The following GRIP1 variants were observed in gnomAD, a reference collection of about 807,000 sequenced individuals.
The protein encoded by GRIP1 is glutamate receptor interacting protein 1, also known as glutamate receptor-interacting protein 1.
A neutral mutation model predicts 129.9 loss-of-function variants in GRIP1; 45 were observed. The ratio of observed to expected loss-of-function variants is 0.35; its 90% CI spans 0.27 to 0.44. GRIP1 has a LOEUF of 0.44. Ranked by LOEUF, GRIP1 falls within the 20% of genes least tolerant of loss-of-function variation. The pLI is 1.00. For missense variants in GRIP1, 1,196 were observed against 1,396.8 expected, an observed-to-expected ratio of 0.86 and a Z score of 2.29; for synonymous variants, 530 against 520.8, an observed-to-expected ratio of 1.02 and a Z score of -0.24.
intron 4 of GRIP1, among the ~76,000 whole-genome samples, chr12:66,535,354 T>C (rs2061575882): frequency 6.7e-6 from 1 of 150,352 alleles, no homozygotes; most frequent in South Asian, 2.1e-4. Context: ...ACTGACTCAT[T>C]TAAAGTTAAA....
intron 22 of GRIP1, among the ~76,000 whole-genome samples, chr12:66,372,553 C>G (rs2055568784): frequency 6.6e-6 from 1 of 152,186 alleles, no homozygotes. Context: ...CTTAGAAATA[C>G]TCTTTGTATA....
rs186879461 is a variant in GRIP1, at chr12:66,639,236, G to A, written c.55+39614C>T. On this transcript the variant is annotated intron_variant, in intron 1 of 24. Coordinates refer to ENST00000359742, the MANE Select transcript of GRIP1 (RefSeq NM_001366722.1). Reference sequence around the variant, plus strand: ...AATCACAGAGTATGCTACTACTAGCGAACTGAAGTGCCATGTAGGGTGGGA... The same window carrying A: ...AATCACAGAGTATGCTACTACTAGCAAACTGAAGTGCCATGTAGGGTGGGA... 1.7e-3 allele frequency among the ~76,000 whole-genome samples: 257 copies of A among 152,192 alleles called. 1 individual carries two copies. Among genetic ancestry groups the A allele is most frequent in the Non-Finnish European group, 2.7e-3 (186 of 68,012 alleles).
intron 1 of GRIP1, among the ~76,000 whole-genome samples, chr12:66,816,431 C>T (rs746842628): frequency 2.0e-5 from 3 of 152,144 alleles, no homozygotes; most frequent in Non-Finnish European, 2.9e-5. Context: ...ATTGATTGTA[C>T]TAAAGGCTCT....
chr12:66,573,642 G>A (rs1366703549), intron 2 of GRIP1, among the ~76,000 whole-genome samples: 4 of 152,174 alleles, frequency 2.6e-5, no homozygotes, highest in Non-Finnish European at 5.9e-5. Context: ...CCAGATAGGT[G>A]TGCTGCCTTC....
chr12:66,992,024 C>T (rs779644785), intron 1 of GRIP1, among the ~76,000 whole-genome samples: 2 of 152,176 alleles, frequency 1.3e-5, no homozygotes, highest in African/African-American at 4.8e-5. Flanking sequence ...GATACTCTTA[C>T]AATCTTCACA....
rs1487956715 is a variant in GRIP1, at chr12:66,547,328, AT to A, written c.137-5379del. ...GATCACTCTGACGCTACTGATGGGA[AT>A]GTAAAATAGGACAACTACTCTGGAA... is the stretch of plus-strand genomic sequence containing the variant. On this transcript the variant is annotated intron_variant, in intron 2 of 24. Transcript: ENST00000359742. Among the ~76,000 whole-genome samples, 5 of 152,306 alleles carry A rather than the reference AT, an allele frequency of 3.3e-5. No homozygotes were observed. In the East Asian group the frequency reaches 9.6e-4, roughly 29 times the overall value.
rs1460053893 is a variant in GRIP1, at chr12:67,025,607, A to G, written c.58+43443T>C. ...CTTTCATATGTTCATTACCTTTAGT[A>G]TCTCCTCATGGACTTGAATTTCTAA... is the stretch of plus-strand genomic sequence containing the variant. On this transcript the variant is annotated intron_variant, in intron 1 of 1. Coordinates refer to the GRIP1 transcript ENST00000643019. 6.6e-5 allele frequency among the ~76,000 whole-genome samples: 10 copies of G among 152,268 alleles called. No individual in the cohort carries two copies. The East Asian group carries it at 1.9e-3, about 29-fold the overall frequency.
chr12:66,886,010 C>G (rs1442801700), intron 1 of GRIP1, among the ~76,000 whole-genome samples: 2 of 152,178 alleles, frequency 1.3e-5, no homozygotes, highest in Non-Finnish European at 2.9e-5. Flanking sequence ...CGCCTGTAAT[C>G]CCAGCACTTT....
At chr12:66,798,052 A>G (rs2038751324) in intron 1 of GRIP1, among the ~76,000 whole-genome samples, 1 of 152,214 alleles carries the variant, frequency 6.6e-6, no homozygotes, top group Admixed American at 6.5e-5. Context: ...TTGCTCTTCC[A>G]AGGGGAATGA....
Position 66,498,220 on chromosome 12 carries a change from C to T in GRIP1, c.724+17399G>A, listed in dbSNP as rs529578028. 1.2e-4 allele frequency among the ~76,000 whole-genome samples: 18 copies of T among 152,190 alleles called. No individual in the cohort carries two copies. In the South Asian group the frequency reaches 2.3e-3, roughly 19 times the overall value. ...GTTTGGTGGTCTCTTCACACAGACG[C>T]GCATGAAAGTGTAAGGCTTGGGTGT... is the stretch of plus-strand genomic sequence containing the variant. On this transcript the variant is annotated intron_variant, in intron 7 of 24. Coordinates refer to ENST00000359742, the MANE Select transcript of GRIP1 (RefSeq NM_001366722.1).
At chr12:66,983,860 G>C (rs570463744) in intron 1 of GRIP1, among the ~76,000 whole-genome samples, 1 of 152,198 alleles carries the variant, frequency 6.6e-6, no homozygotes, top group Admixed American at 6.5e-5. Flanking sequence ...AATTATCCTG[G>C]TGTCTGTTTT....
At chr12:66,352,467 T>C (rs866861241) in intron 24 of GRIP1, among the ~76,000 whole-genome samples, 2 of 152,192 alleles carry the variant, frequency 1.3e-5, no homozygotes, top group African/African-American at 4.8e-5. Flanking sequence ...GCACAGTGGC[T>C]CACACCTATA....
At chr12:66,510,015 C>A (rs972859479) in intron 7 of GRIP1, among the ~76,000 whole-genome samples, 2 of 152,060 alleles carry the variant, frequency 1.3e-5, no homozygotes, top group African/African-American at 4.8e-5. Flanking sequence ...CTTTTCCAAC[C>A]ACAGGGCTCT....
intron 15 of GRIP1, among the ~76,000 whole-genome samples, chr12:66,416,484 G>C (rs545757393): frequency 6.6e-6 from 1 of 151,964 alleles, no homozygotes; most frequent in African/African-American, 2.4e-5. Flanking sequence ...TTAAAAAGGT[G>C]AGCAAAATGG....
intron 1 of GRIP1, among the ~76,000 whole-genome samples, chr12:67,008,979 T>C (rs146393505): frequency 1.1e-4 from 17 of 152,222 alleles, no homozygotes; most frequent in African/African-American, 3.9e-4. Context: ...AACCTGCAAA[T>C]GTGAGGTAAA....
At chr12:66,565,896 G>A (rs1307138885) in intron 2 of GRIP1, among the ~76,000 whole-genome samples, 2 of 152,146 alleles carry the variant, frequency 1.3e-5, no homozygotes, top group African/African-American at 4.8e-5. Flanking sequence ...AATTGTGAAT[G>A]GGGGTTCACT....
At chr12:66,896,410 G>C (rs1020002647) in intron 1 of GRIP1, among the ~76,000 whole-genome samples, 2 of 144,202 alleles carry the variant, frequency 1.4e-5, no homozygotes, top group Non-Finnish European at 3.0e-5. Context: ...TGGCAAGGGA[G>C]ATCAACACTT....
At chr12:66,625,168 G>A (rs1307904492) in intron 1 of GRIP1, among the ~76,000 whole-genome samples, 1 of 152,104 alleles carries the variant, frequency 6.6e-6, no homozygotes, top group East Asian at 1.9e-4. Flanking sequence ...GTCTTCAAGT[G>A]ACCAGATGGG....
chr12:66,488,797 G>A (rs2060026736), intron 7 of GRIP1, among the ~76,000 whole-genome samples: 1 of 152,028 alleles, frequency 6.6e-6, no homozygotes, highest in Admixed American at 6.6e-5. Flanking sequence ...TATCACCACT[G>A]ACCCCCACAG....
Sources: gnomAD v4.1 joint callset for allele counts (sites outside exome capture counted in the v4.1 genomes callset) on GRCh38, gnomAD v4.1.1 for gene constraint, MANE v1.5 for transcripts, NCBI Gene and HGNC (gene_info 2026-07-23, HGNC 2026-07-21) for gene names.